The following SPAST variants were observed in gnomAD, a reference collection of about 807,000 sequenced individuals.
SPAST encodes the protein spastin.
SPAST carries 30 observed loss-of-function variants against 76.6 expected under a neutral mutation model. That is an observed-to-expected ratio of 0.39 (90% CI 0.29 to 0.53). The LOEUF (loss-of-function observed/expected upper bound fraction) is 0.53. SPAST is among the 20% of genes least tolerant of loss of function. The pLI, the probability that SPAST is intolerant of heterozygous loss-of-function variation, is 0.68. For synonymous variants in SPAST, 305 were observed against 281.0 expected (o/e 1.09, Z -0.86); for missense variants, 717 against 770.5 (o/e 0.93, Z 0.82).
At chr2:32,092,550 T>G (rs1191840552) in intron 3 of SPAST, among the ~76,000 whole-genome samples, 1 of 152,208 alleles carries the variant, frequency 6.6e-6, no homozygotes, top group Non-Finnish European at 1.5e-5. Flanking sequence ...TTCTTATTTG[T>G]GTTAGTAGAG....
At position 32,126,937 on chromosome 2, in the gene SPAST, A is replaced by G. The variant is rs753129365; in HGVS notation, c.1099-11A>G. On this transcript the variant is annotated splice_polypyrimidine_tract_variant and intron_variant, in intron 7 of 16. Transcript: ENST00000315285. ...GAATCATAGTTGTAAACTAAAGTAT[A>G]TATTTTTTAGTTGTTCACAGGGCTT... is the stretch of plus-strand genomic sequence containing the variant. The G allele has an allele frequency of 6.3e-7, 1 of 1,583,038 alleles. No homozygotes were observed. Among genetic ancestry groups the G allele is most frequent in the South Asian group, 1.1e-5 (1 of 90,326 alleles).
chr2:32,068,402 A>C (rs1325956158), intron 1 of SPAST, among the ~76,000 whole-genome samples: 3 of 149,282 alleles, frequency 2.0e-5, no homozygotes, highest in African/African-American at 7.4e-5. Context: ...GCTCACTGCA[A>C]CCTCCACCTC....
chr2:32,138,931 T>C (rs955762931), intron 12 of SPAST, among the ~76,000 whole-genome samples: 2 of 152,144 alleles, frequency 1.3e-5, no homozygotes, highest in African/African-American at 2.4e-5. Flanking sequence ...TTTTCCTCAT[T>C]GCTTGTTTTT....
chr2:32,069,551 C>CTTT (rs36023742), intron 1 of SPAST, among the ~76,000 whole-genome samples: 29 of 139,608 alleles, frequency 2.1e-4, no homozygotes, highest in Non-Finnish European at 2.3e-4. Flanking sequence ...CATGACTTAT[C>CTTT]TTTTTTTTTT....
rs534410477 is a variant in SPAST at position 32,113,321 on chromosome 2, G to A, written c.683-1317G>A. On this transcript the variant is annotated intron_variant, in intron 4 of 16. Coordinates refer to ENST00000315285, the MANE Select transcript of SPAST (RefSeq NM_014946.4). ...GCTGGTCTTGAACTCCATACCTCAGGTGATCTGCCCGCCTCAGCCTCCCAA... is the reference window on the plus strand; with the variant it reads ...GCTGGTCTTGAACTCCATACCTCAGATGATCTGCCCGCCTCAGCCTCCCAA... Among the ~76,000 whole-genome samples, 3 of 151,856 alleles carry A rather than the reference G, an allele frequency of 2.0e-5. No homozygotes were observed. In the East Asian group the frequency reaches 5.8e-4, roughly 30 times the overall value.
Position 32,095,396 on chromosome 2 carries a change from G to A in SPAST, c.587-3400G>A, listed in dbSNP as rs114604757. Among the ~76,000 whole-genome samples, 1,360 of 152,176 alleles carry A rather than the reference G, an allele frequency of 8.9e-3. 22 individuals carry two copies. Among genetic ancestry groups the A allele is most frequent in the African/African-American group, 0.029 (1,213 of 41,528 alleles). On this transcript the variant is annotated intron_variant, in intron 3 of 16. Coordinates refer to ENST00000315285, the MANE Select transcript of SPAST (RefSeq NM_014946.4). The stretch of plus-strand genomic sequence containing the variant: ...AAAGAAAAGAAAGCTTCCTAGAAGT[G>A]AAACCTAAAATATACACTTAGATAA...
intron 4 of SPAST, among the ~76,000 whole-genome samples, chr2:32,099,446 G>A (rs1678038309): frequency 6.6e-6 from 1 of 152,188 alleles, no homozygotes. Context: ...AAGATTAAAT[G>A]TCTTTCTGTT....
chr2:32,091,958 A>G (rs1052166909), intron 3 of SPAST, among the ~76,000 whole-genome samples: 1 of 152,154 alleles, frequency 6.6e-6, no homozygotes, highest in African/African-American at 2.4e-5. Context: ...ATTTTTGACC[A>G]TTGAATTATT....
chr2:32,070,069 T>A lies in SPAST; in HGVS notation c.415+5823T>A, dbSNP rs200367168. On this transcript the variant is annotated intron_variant, in intron 1 of 16. Transcript: ENST00000315285. Reference sequence around the variant, plus strand: ...TATGGCATACTAAAAAAAAAAAAAATTTTTTTTTTTTTTTGTAATGGAGTC... The same window carrying A: ...TATGGCATACTAAAAAAAAAAAAAAATTTTTTTTTTTTTTGTAATGGAGTC... Among the ~76,000 whole-genome samples the A allele has an allele frequency of 7.8e-3, 420 of 53,892 alleles. 5 individuals carry two copies. Among genetic ancestry groups the A allele is most frequent in the Admixed American group, 0.065 (365 of 5,640 alleles). 35.4% of individuals were successfully genotyped at this position (53,892 alleles called of 152,430 possible). A position where few individuals can be genotyped will look rare whatever the true frequency, so the allele number is the denominator to read the frequency against.
intron 4 of SPAST, among the ~76,000 whole-genome samples, chr2:32,111,396 GTATA>G (rs1162800755): frequency 1.0e-4 from 15 of 146,876 alleles, no homozygotes; most frequent in East Asian, 2.2e-4. Flanking sequence ...AGCGTATAGA[GTATA>G]TATATAGTAT....
At chr2:32,087,158 C>G (rs1255399261) in intron 1 of SPAST, among the ~76,000 whole-genome samples, 1 of 152,048 alleles carries the variant, frequency 6.6e-6, no homozygotes, top group African/African-American at 2.4e-5. Context: ...TTATTGAAAT[C>G]ATATTTGTAT....
intron 7 of SPAST, among the ~76,000 whole-genome samples, chr2:32,126,007 G>T (rs1652108050): frequency 6.6e-6 from 1 of 152,014 alleles, no homozygotes; most frequent in Non-Finnish European, 1.5e-5. Context: ...GTGTTAGCCA[G>T]GATGGTCTCG....
intron 1 of SPAST, among the ~76,000 whole-genome samples, chr2:32,079,758 C>T (rs1677128208): frequency 6.6e-6 from 1 of 152,076 alleles, no homozygotes; most frequent in Admixed American, 6.6e-5. Context: ...AGGGTTTCAC[C>T]ATGTGGTTCA....
intron 1 of SPAST, among the ~76,000 whole-genome samples, chr2:32,067,169 C>G (rs1676554782): frequency 6.6e-6 from 1 of 152,192 alleles, no homozygotes. Context: ...TCAAGCGATT[C>G]TCCTGCCTCA....
At chr2:32,151,181 G>C (rs574135893) in intron 16 of SPAST, among the ~76,000 whole-genome samples, 1 of 152,196 alleles carries the variant, frequency 6.6e-6, no homozygotes, top group Admixed American at 6.5e-5. Flanking sequence ...AACCTCAGGA[G>C]ATCCGCCCAC....
intron 7 of SPAST, among the ~76,000 whole-genome samples, chr2:32,123,247 G>A (rs1356468817): frequency 2.1e-5 from 3 of 144,832 alleles, no homozygotes; most frequent in Non-Finnish European, 4.5e-5. Flanking sequence ...GGGGGACAGA[G>A]CAAGACTCCG....
At chr2:32,147,352 T>G (rs1679924763) in intron 16 of SPAST, 94 bp downstream of exon 16, 1 of 697,488 alleles carries the variant, frequency 1.4e-6, no homozygotes, top group Non-Finnish European at 2.3e-6. Flanking sequence ...GTGGTTTTTT[T>G]TTTTTTTTTT....
chr2:32,063,914 G>A lies in SPAST; in HGVS notation c.83G>A (p.Cys28Tyr). 1 of 1,584,644 alleles carries A rather than the reference G, an allele frequency of 6.3e-7. No individual in the cohort carries two copies. ...GTGCCTCCCAGGCCTCCGCCCCCTT[G>A]CCTGGCCCCCGCCCCTCCCGCCGCC... ...NPVPPRPPPP[C>Y]LAPAPPAAGP... Residue 28 changes from cysteine to tyrosine, a missense_variant, in exon 1 of 17, where the codon TGC (cysteine) becomes TAC (tyrosine). By Grantham distance (194) the Cys-to-Tyr change is radical (BLOSUM62 -2). Transcript: ENST00000315285.
In SPAST at chr2:32,083,763, TATATATATA is replaced by T. The variant is rs1558620204; in HGVS notation, c.416-3728_416-3720del. Among the ~76,000 whole-genome samples, 301 of 96,086 alleles carry T rather than the reference TATATATATA, an allele frequency of 3.1e-3. 11 individuals carry two copies. Among genetic ancestry groups the T allele is most frequent in the African/African-American group, 9.8e-3 (225 of 22,938 alleles). 63.0% of individuals were successfully genotyped at this position (96,086 alleles called of 152,430 possible). A position where few individuals can be genotyped will look rare whatever the true frequency, so the allele number is the denominator to read the frequency against. On this transcript the variant is annotated intron_variant, in intron 1 of 16. Coordinates refer to ENST00000315285, the MANE Select transcript of SPAST (RefSeq NM_014946.4). Reference sequence around the variant, plus strand: ...TATTTATATATACTATATATATATATATATATATATATATTTTTTTTTTTTTTTGAGATG... The same window carrying T: ...TATTTATATATACTATATATATATATTATATTTTTTTTTTTTTTTGAGATG...
Sources: gnomAD v4.1 joint callset for allele counts (sites outside exome capture counted in the v4.1 genomes callset) on GRCh38, gnomAD v4.1.1 for gene constraint, MANE v1.5 for transcripts, NCBI Gene and HGNC (gene_info 2026-07-23, HGNC 2026-07-21) for gene names.